Variants in ARHGEF18 observed in about 807,000 individuals in gnomAD.
ARHGEF18 encodes the protein Rho/Rac guanine nucleotide exchange factor 18.
A neutral mutation model predicts 155.7 loss-of-function variants in ARHGEF18; 93 were observed. The observed-to-expected ratio is 0.60, with a 90% CI of 0.50 to 0.71. The LOEUF is 0.71. Among genes scored for constraint, ARHGEF18 ranks in the 30% least tolerant of loss-of-function variants. The probability of loss-of-function intolerance (pLI) is 0.00; values close to 1 mark genes in which losing one functional copy is unlikely to be tolerated. For missense variants in ARHGEF18, 1,593 were observed against 1,816.1 expected (o/e 0.88, Z 2.23); for synonymous variants, 742 against 753.1 (o/e 0.99, Z 0.24).
At position 7,377,947 on chromosome 19, in the gene ARHGEF18, G is replaced by A. The variant is rs911785596; in HGVS notation, c.542-447G>A. 2.0e-5 allele frequency among the ~76,000 whole-genome samples: 3 copies of A among 152,102 alleles called. No homozygotes were observed. In the East Asian group the frequency reaches 5.8e-4, roughly 29 times the overall value. On this transcript the variant is annotated intron_variant, in intron 5 of 28. Coordinates refer to ENST00000668164, the MANE Select transcript of ARHGEF18 (RefSeq NM_001367823.1). ...TAAAAATATAAAAACGCAAGAATTA[G>A]TCGGGCATGGTGGTGTGCGCCTGTA...
chr19:7,398,704 A>AAAAG (rs1555708476), intron 10 of ARHGEF18, among the ~76,000 whole-genome samples: 1 of 147,076 alleles, frequency 6.8e-6, no homozygotes, highest in African/African-American at 2.7e-5. Flanking sequence ...AAAAAAAAAA[A>AAAAG]AAATAAAGAA....
chr19:7,423,807 A>C (rs1973498654), intron 10 of ARHGEF18, among the ~76,000 whole-genome samples: 1 of 151,540 alleles, frequency 6.6e-6, no homozygotes, highest in African/African-American at 2.4e-5. Context: ...GTATCAAGAT[A>C]CCCCTAATTC....
rs541571765 is a variant in ARHGEF18, at chr19:7,470,124, A to G, written c.3914-2A>G. 2 of 1,612,148 alleles carry G rather than the reference A, an allele frequency of 1.2e-6. No individual in the cohort carries two copies. Among genetic ancestry groups the G allele is most frequent in the East Asian group, 4.5e-5 (2 of 44,828 alleles). Reference sequence around the variant, plus strand: ...TCAGTCTGAACCCTCTCTCTGTTCCAGACCCTGGCTTCCCCGCCCCGAGCC... The same window carrying G: ...TCAGTCTGAACCCTCTCTCTGTTCCGGACCCTGGCTTCCCCGCCCCGAGCC... On this transcript the variant is annotated splice_acceptor_variant, in intron 28 of 28. Transcript: ENST00000668164. LOFTEE classifies it high-confidence loss of function. This position sits in a 1 kb window ranked among gnomAD's most constrained non-coding sequence, Gnocchi z 5.9.
At chr19:7,466,076 T>A (rs1032310544) in intron 23 of ARHGEF18, among the ~76,000 whole-genome samples, 1 of 149,760 alleles carries the variant, frequency 6.7e-6, no homozygotes, top group Non-Finnish European at 1.5e-5. Context: ...CAAGCAAGAC[T>A]TTGTTTCAAA....
downstream of ARHGEF18, among the ~76,000 whole-genome samples, chr19:7,473,607 C>G (rs562029205): frequency 4.6e-5 from 7 of 151,920 alleles, no homozygotes; most frequent in East Asian, 3.9e-4. Flanking sequence ...GTCAGGAGAT[C>G]GAGACCATCC....
At chr19:7,381,687 TAAATAATA>T (rs1269929242) in intron 8 of ARHGEF18, among the ~76,000 whole-genome samples, 2 of 134,044 alleles carry the variant, frequency 1.5e-5, no homozygotes, top group African/African-American at 3.6e-5. Flanking sequence ...CAAAAATAAA[TAAATAATA>T]AATAAATAAA....
intron 1 of ARHGEF18, among the ~76,000 whole-genome samples, chr19:7,361,468 A>T (rs1424959990): frequency 1.3e-5 from 2 of 152,140 alleles, no homozygotes; most frequent in Middle Eastern, 3.2e-3. Flanking sequence ...GCGGTTCCTC[A>T]AAAAGCTAAG....
chr19:7,362,644 C>A (rs1299173988), intron 1 of ARHGEF18, 137 bp from the exon 2 acceptor site: 2 of 747,778 alleles, frequency 2.7e-6, no homozygotes, highest in South Asian at 7.1e-5. Flanking sequence ...GACCATCTTC[C>A]CCCTCCCCTC....
At chr19:7,473,582 T>A (rs752682398), downstream of ARHGEF18, among the ~76,000 whole-genome samples, 1 of 150,898 alleles carries the variant, frequency 6.6e-6, no homozygotes, top group South Asian at 2.1e-4. Flanking sequence ...GAAGCCAAGG[T>A]GGGCAGATTA....
chr19:7,423,243 G>A (rs1197828185), intron 10 of ARHGEF18, among the ~76,000 whole-genome samples: 7 of 152,114 alleles, frequency 4.6e-5, no homozygotes, highest in Non-Finnish European at 1.0e-4. Context: ...TCAGTTAGCT[G>A]TTTGAGTATT....
chr19:7,430,884 T>C (rs1321028731), intron 10 of ARHGEF18, among the ~76,000 whole-genome samples: 1 of 151,996 alleles, frequency 6.6e-6, no homozygotes, highest in Non-Finnish European at 1.5e-5. Context: ...ATCCTCAACC[T>C]AAATGTTATA....
intron 1 of ARHGEF18, among the ~76,000 whole-genome samples, chr19:7,361,991 G>GGAAGAAGAAGAAAGAAGAAAGAA (rs1162434534): frequency 6.3e-5 from 5 of 79,114 alleles, no homozygotes; most frequent in African/African-American, 2.7e-4. Flanking sequence ...AAGACTCTGT[G>GGAAGAAGAAGAAAGAAGAAAGAA]GAAGAAGAAG....
At chr19:7,458,769 A>G in intron 19 of ARHGEF18, 79 bp downstream of exon 19, 1 of 1,468,398 alleles carries the variant, frequency 6.8e-7, no homozygotes, top group Non-Finnish European at 9.1e-7. Context: ...ACCGTTGGCC[A>G]TCAGCTGTGA....
At chr19:7,446,722 C>G (rs1975014338) in intron 14 of ARHGEF18, among the ~76,000 whole-genome samples, 1 of 151,710 alleles carries the variant, frequency 6.6e-6, no homozygotes, top group Admixed American at 6.6e-5. Flanking sequence ...GCCTGGGCAA[C>G]AGAGTGAGAC....
rs1389412548 is a variant in ARHGEF18 at position 7,462,819 on chromosome 19, C to G, written c.2635+485C>G. 6.8e-6 allele frequency among the ~76,000 whole-genome samples: 1 copy of G among 147,182 alleles called. No homozygotes were observed. ...GCAGGCAGTCAGCGCCCAGTCTGCT[C>G]TTTCTTTTTTTCTTTTCTTTTTTTT... is the stretch of plus-strand genomic sequence containing the variant. On this transcript the variant is annotated intron_variant, in intron 21 of 28. Transcript: ENST00000668164. The surrounding 1 kb of genome is among the most constrained non-coding windows in gnomAD (Gnocchi z 4.4).
chr19:7,358,636 C>G (rs116414050), intron 1 of ARHGEF18, among the ~76,000 whole-genome samples: 1 of 152,194 alleles, frequency 6.6e-6, no homozygotes, highest in African/African-American at 2.4e-5. Flanking sequence ...TGTGCCCAAC[C>G]CAACACAGCA....
At chr19:7,448,052 C>T (rs978033317) in intron 15 of ARHGEF18, among the ~76,000 whole-genome samples, 23 of 152,348 alleles carry the variant, frequency 1.5e-4, no homozygotes, top group African/African-American at 5.3e-4. Flanking sequence ...TACCAGGCCA[C>T]GGTGGCCCCT....
At chr19:7,386,080 T>C (rs1017956566) in intron 10 of ARHGEF18, among the ~76,000 whole-genome samples, 14 of 148,310 alleles carry the variant, frequency 9.4e-5, no homozygotes, top group Non-Finnish European at 1.8e-4. Flanking sequence ...AGTGCAGTGG[T>C]GTGATCATAA....
rs201875760 is a variant in ARHGEF18, at chr19:7,456,388, C to T, written c.2166C>T (p.Tyr722=). The change falls in exon 18 of 29, where the codon TAC becomes TAT. Residue 722 remains tyrosine, a synonymous_variant. Transcript: ENST00000668164. ...LLLLQEKDQK[Y]VFASVDSKPP... is the part of the protein sequence containing the mutation. ...TGCTACAAGAAAAAGATCAGAAATA[C>T]GTCTTTGCTTCTGTGGTATGTATCC... The T allele has an allele frequency of 3.2e-5, 52 of 1,614,040 alleles. No homozygotes were observed. Among genetic ancestry groups the T allele is most frequent in the East Asian group, 6.7e-5 (3 of 44,886 alleles).
Sources: gnomAD v4.1 joint callset for allele counts (sites outside exome capture counted in the v4.1 genomes callset) on GRCh38, gnomAD v4.1.1 for gene constraint, Gnocchi (gnomAD v3.1) non-coding constraint, MANE v1.5 for transcripts, NCBI Gene and HGNC (gene_info 2026-07-23, HGNC 2026-07-21) for gene names.